STAU2: variants seen among roughly 807,000 people sequenced by gnomAD.
The protein encoded by STAU2 is staufen double-stranded RNA binding protein 2.
STAU2 carries 20 observed loss-of-function variants against 65.9 expected under a neutral mutation model. That is an observed-to-expected ratio of 0.30 (90% CI 0.21 to 0.44). STAU2 has a LOEUF of 0.44. STAU2 is among the 20% of genes least tolerant of loss of function. The pLI is 1.00. For missense variants in STAU2, 558 were observed against 683.9 expected (o/e 0.82, Z 2.05); for synonymous variants, 232 against 233.9 (o/e 0.99, Z 0.07).
At chr8:73,492,565 C>A (rs780612960) in intron 13 of STAU2, among the ~76,000 whole-genome samples, 7 of 151,910 alleles carry the variant, frequency 4.6e-5, no homozygotes, top group Non-Finnish European at 8.8e-5. Context: ...TCAACATACA[C>A]ACACACATAT....
rs576645328 is a variant in STAU2 at position 73,723,336 on chromosome 8, T to C, written c.-17-14174A>G. ...TCATCAACATTATGACAAAATGATG[T>C]TGAAAGAAACATTATTTGAGGACCT... On this transcript the variant is annotated intron_variant, in intron 3 of 14. Coordinates refer to ENST00000524300, the MANE Select transcript of STAU2 (RefSeq NM_001164380.2). 8.5e-5 allele frequency among the ~76,000 whole-genome samples: 13 copies of C among 152,358 alleles called. No individual in the cohort carries two copies. The South Asian group carries it at 1.7e-3, about 19-fold the overall frequency.
intron 13 of STAU2, among the ~76,000 whole-genome samples, chr8:73,481,423 T>C (rs1299871708): frequency 6.7e-6 from 1 of 149,688 alleles, no homozygotes; most frequent in Non-Finnish European, 1.5e-5. Flanking sequence ...TTCTGATACA[T>C]GCCAAAGTTT....
intron 6 of STAU2, among the ~76,000 whole-genome samples, chr8:73,648,055 T>A (rs1366840157): frequency 6.6e-6 from 1 of 152,186 alleles, no homozygotes; most frequent in Non-Finnish European, 1.5e-5. Context: ...TGGGCTTCTG[T>A]GTGCCATTTT....
chr8:73,678,526 T>C (rs746382164), intron 5 of STAU2, among the ~76,000 whole-genome samples: 7 of 152,236 alleles, frequency 4.6e-5, no homozygotes, highest in Non-Finnish European at 5.9e-5. Context: ...ATGTTTATCA[T>C]TACCTGTAAT....
chr8:73,442,606 GAA>G (rs1258568305), intron 13 of STAU2, among the ~76,000 whole-genome samples: 1 of 152,058 alleles, frequency 6.6e-6, no homozygotes, highest in Non-Finnish European at 1.5e-5. Context: ...AATACTTTTG[GAA>G]AAAATTCTGC....
At chr8:73,495,317 C>T (rs1390561673) in intron 13 of STAU2, among the ~76,000 whole-genome samples, 1 of 151,428 alleles carries the variant, frequency 6.6e-6, no homozygotes, top group Non-Finnish European at 1.5e-5. Flanking sequence ...TATACAAACA[C>T]TGAGCATCAT....
chr8:73,593,908 T>C (rs941544998), intron 11 of STAU2, among the ~76,000 whole-genome samples: 12 of 151,476 alleles, frequency 7.9e-5, no homozygotes, highest in African/African-American at 2.4e-4. Context: ...CACACACACG[T>C]TGATGGTTCT....
intron 13 of STAU2, among the ~76,000 whole-genome samples, chr8:73,454,579 C>G (rs1447022693): frequency 6.6e-6 from 1 of 152,136 alleles, no homozygotes; most frequent in Admixed American, 6.5e-5. Flanking sequence ...GAATGGGGTC[C>G]TAGGTCACTC....
chr8:73,633,683 A>G (rs1265613224), intron 6 of STAU2, among the ~76,000 whole-genome samples: 3 of 152,166 alleles, frequency 2.0e-5, no homozygotes, highest in Non-Finnish European at 4.4e-5. Context: ...CAAGTCAGTA[A>G]GAAAAAGACC....
At chr8:73,477,303 ATC>A (rs1820373551) in intron 13 of STAU2, among the ~76,000 whole-genome samples, 1 of 152,156 alleles carries the variant, frequency 6.6e-6, no homozygotes, top group Admixed American at 6.6e-5. Context: ...ACACCGTAGG[ATC>A]TCATCTATTA....
At chr8:73,729,145 G>A (rs1206088230) in intron 3 of STAU2, among the ~76,000 whole-genome samples, 4 of 152,142 alleles carry the variant, frequency 2.6e-5, no homozygotes, top group African/African-American at 9.7e-5. Flanking sequence ...AACAGCTGTT[G>A]AATTTTGTCA....
intron 6 of STAU2, among the ~76,000 whole-genome samples, chr8:73,626,971 G>A (rs939063308): frequency 3.9e-5 from 6 of 151,982 alleles, no homozygotes; most frequent in Non-Finnish European, 5.9e-5. Flanking sequence ...GTCAGACAGT[G>A]TGTGGCAGAA....
intron 13 of STAU2, among the ~76,000 whole-genome samples, chr8:73,471,838 G>T (rs148445703): frequency 7.2e-5 from 6 of 82,944 alleles, no homozygotes; most frequent in Non-Finnish European, 1.0e-4. Context: ...AAAAAAAAAA[G>T]AGAGAAGAAG....
In STAU2 at chr8:73,716,058, G is replaced by A. The variant is rs574140970; in HGVS notation, c.-17-6896C>T. ...GCCTCCTGAGTAGCTGGGATTACAG[G>A]CATGCGCCACCATGCCCAGCTAATT... is the stretch of plus-strand genomic sequence containing the variant. On this transcript the variant is annotated intron_variant, in intron 3 of 14. Transcript: ENST00000524300. Among the ~76,000 whole-genome samples, 120 of 151,530 alleles carry A rather than the reference G, an allele frequency of 7.9e-4. 1 individual carries two copies. The highest frequency in any genetic ancestry group is 2.8e-3 in the African/African-American group (116 of 41,320).
At chr8:73,618,335 G>A (rs1177007786) in intron 6 of STAU2, among the ~76,000 whole-genome samples, 2 of 152,156 alleles carry the variant, frequency 1.3e-5, no homozygotes, top group African/African-American at 4.8e-5. Context: ...GTTTCATTGA[G>A]AAAATATCAA....
At chr8:73,523,118 C>A (rs1186248955) in intron 13 of STAU2, among the ~76,000 whole-genome samples, 1 of 149,240 alleles carries the variant, frequency 6.7e-6, no homozygotes, top group Non-Finnish European at 1.5e-5. Context: ...ATCACTTGAA[C>A]CCGGGAAGTG....
At chr8:73,521,441 C>A (rs900435744) in intron 13 of STAU2, among the ~76,000 whole-genome samples, 4 of 152,088 alleles carry the variant, frequency 2.6e-5, no homozygotes, top group African/African-American at 9.7e-5. Flanking sequence ...TACGGAGAGC[C>A]TAGCACATAT....
intron 9 of STAU2, among the ~76,000 whole-genome samples, chr8:73,605,842 T>C (rs759447618): frequency 4.0e-4 from 47 of 118,368 alleles, no homozygotes; most frequent in African/African-American, 1.0e-3. Flanking sequence ...CACATACACA[T>C]ACACACACAC....
rs543302995 is a variant in STAU2 at position 73,596,654 on chromosome 8, G to A, written c.1030-1357C>T. ...GTTTGAGGCCAGGAGTTTGAGACCC[G>A]CCTGGGCAATATAGTGAGACCCCAT... On this transcript the variant is annotated intron_variant, in intron 10 of 14. Coordinates refer to ENST00000524300, the MANE Select transcript of STAU2 (RefSeq NM_001164380.2). Among the ~76,000 whole-genome samples the A allele has an allele frequency of 7.2e-5, 11 of 151,934 alleles. 1 individual carries two copies. Among genetic ancestry groups the A allele is most frequent in the Non-Finnish European group, 1.3e-4 (9 of 67,974 alleles).
Sources: gnomAD v4.1 joint callset for allele counts (sites outside exome capture counted in the v4.1 genomes callset) on GRCh38, gnomAD v4.1.1 for gene constraint, MANE v1.5 for transcripts, NCBI Gene and HGNC (gene_info 2026-07-23, HGNC 2026-07-21) for gene names.